Variants in SLC25A21 observed in about 807,000 individuals in gnomAD.
SLC25A21 encodes the protein mitochondrial 2-oxodicarboxylate carrier.
SLC25A21 carries 47 observed loss-of-function variants against 43.8 expected under a neutral mutation model. The observed-to-expected ratio is 1.07, with a 90% CI of 0.85 to 1.37. The LOEUF (loss-of-function observed/expected upper bound fraction) is 1.37. Ranked by LOEUF, SLC25A21 falls within the 40% of genes most tolerant of loss-of-function variation. The pLI, the probability that SLC25A21 is intolerant of heterozygous loss-of-function variation, is 0.00. For missense variants in SLC25A21, 352 were observed against 350.2 expected (o/e 1.00, Z -0.04); for synonymous variants, 131 against 121.3 (o/e 1.08, Z -0.52).
chr14:36,942,963 T>C (rs1034170148), intron 1 of SLC25A21, among the ~76,000 whole-genome samples: 14 of 152,140 alleles, frequency 9.2e-5, no homozygotes, highest in African/African-American at 3.1e-4. Flanking sequence ...CCCCCATCTT[T>C]TGGGACTGGG....
At chr14:37,064,421 T>A (rs897790342) in intron 1 of SLC25A21, among the ~76,000 whole-genome samples, 1 of 152,050 alleles carries the variant, frequency 6.6e-6, no homozygotes, top group African/African-American at 2.4e-5. Context: ...CTTGTCTCTC[T>A]CTCTCTCTCT....
intron 1 of SLC25A21, among the ~76,000 whole-genome samples, chr14:36,994,063 T>C (rs1193274781): frequency 6.6e-6 from 1 of 152,154 alleles, no homozygotes; most frequent in Non-Finnish European, 1.5e-5. Flanking sequence ...ACCTAGATAA[T>C]GAGTTATCTA....
chr14:36,949,137 C>T (rs1456754308), intron 1 of SLC25A21, among the ~76,000 whole-genome samples: 1 of 152,166 alleles, frequency 6.6e-6, no homozygotes, highest in Non-Finnish European at 1.5e-5. Flanking sequence ...ATCAGTCCAG[C>T]TTTCTTTGAG....
At chr14:37,087,491 C>T (rs1962507365) in intron 1 of SLC25A21, among the ~76,000 whole-genome samples, 1 of 152,128 alleles carries the variant, frequency 6.6e-6, no homozygotes, top group South Asian at 2.1e-4. Flanking sequence ...TAGCACTACA[C>T]CCAAGATTAC....
rs1252623188 is a variant in SLC25A21, at chr14:36,910,565, T to A, written c.71-35561A>T. Among the ~76,000 whole-genome samples the A allele has an allele frequency of 2.0e-5, 3 of 152,112 alleles. No homozygotes were observed. In the East Asian group the frequency reaches 5.8e-4, roughly 29 times the overall value. On this transcript the variant is annotated intron_variant, in intron 1 of 9. Coordinates refer to ENST00000331299, the MANE Select transcript of SLC25A21 (RefSeq NM_030631.4). Reference sequence around the variant, plus strand: ...GGTGCTGGGGACAGAGAGAAAGGAATTAATCAGAAATATATTTAGAAGTTG... The same window carrying A: ...GGTGCTGGGGACAGAGAGAAAGGAAATAATCAGAAATATATTTAGAAGTTG...
chr14:37,046,448 C>T lies in SLC25A21; in HGVS notation c.70+125833G>A, dbSNP rs369638533. On this transcript the variant is annotated intron_variant, in intron 1 of 9. Transcript: ENST00000331299. The stretch of plus-strand genomic sequence containing the variant: ...GGGAAAGGATTAAGTAGCTTCAAAA[C>T]GGCATTTTTAACTGAATTGGCCTAT... 1.2e-4 allele frequency among the ~76,000 whole-genome samples: 19 copies of T among 152,100 alleles called. No individual in the cohort carries two copies. The East Asian group carries it at 1.5e-3, about 12-fold the overall frequency.
chr14:37,049,926 A>G lies in SLC25A21; in HGVS notation c.70+122355T>C, dbSNP rs571357324. Among the ~76,000 whole-genome samples the G allele has an allele frequency of 3.3e-5, 5 of 152,356 alleles. No individual in the cohort carries two copies. In the South Asian group the frequency reaches 1.0e-3, roughly 32 times the overall value. ...AACAAGTCCAGTGGTCAATAGCCAC[A>G]TATAGCTAATGGCTACTATATTGGA... On this transcript the variant is annotated intron_variant, in intron 1 of 9. Transcript: ENST00000331299.
intron 6 of SLC25A21, among the ~76,000 whole-genome samples, chr14:36,720,429 A>T (rs910646715): frequency 6.6e-6 from 1 of 152,246 alleles, no homozygotes; most frequent in Non-Finnish European, 1.5e-5. Context: ...GACAGGTTGA[A>T]CAGCAGACAT....
At chr14:36,951,667 A>G (rs1309259651) in intron 1 of SLC25A21, among the ~76,000 whole-genome samples, 1 of 152,178 alleles carries the variant, frequency 6.6e-6, no homozygotes, top group Non-Finnish European at 1.5e-5. Context: ...AAGCAATTCA[A>G]TAACTATTAA....
chr14:37,027,707 G>A (rs933098231), intron 1 of SLC25A21, among the ~76,000 whole-genome samples: 1 of 152,164 alleles, frequency 6.6e-6, no homozygotes, highest in African/African-American at 2.4e-5. Flanking sequence ...CTGACTAAAA[G>A]AGTAAATCAA....
chr14:36,926,976 C>T (rs1892149153), intron 1 of SLC25A21, among the ~76,000 whole-genome samples: 1 of 152,052 alleles, frequency 6.6e-6, no homozygotes, highest in Non-Finnish European at 1.5e-5. Flanking sequence ...TTGAGACTAG[C>T]CTGGGCAACA....
chr14:36,764,577 C>CAAAAA (rs1278797457), intron 3 of SLC25A21, among the ~76,000 whole-genome samples: 3 of 98,688 alleles, frequency 3.0e-5, no homozygotes, highest in Non-Finnish European at 4.5e-5. Flanking sequence ...CAAAACAAAA[C>CAAAAA]AAAAAACAAA....
chr14:37,078,302 T>C (rs541181734), intron 1 of SLC25A21, among the ~76,000 whole-genome samples: 38 of 152,190 alleles, frequency 2.5e-4, no homozygotes, highest in African/African-American at 9.1e-4. Context: ...TTCCTTCACT[T>C]CCCTAGTTGA....
chr14:36,922,092 T>C (rs576819569), intron 1 of SLC25A21, among the ~76,000 whole-genome samples: 33 of 151,164 alleles, frequency 2.2e-4, no homozygotes, highest in African/African-American at 2.4e-5. Context: ...TGAGCCAAGA[T>C]TGCATCACTG....
intron 1 of SLC25A21, among the ~76,000 whole-genome samples, chr14:37,000,783 T>C (rs1320083777): frequency 3.3e-5 from 5 of 152,074 alleles, no homozygotes; most frequent in Non-Finnish European, 7.4e-5. Context: ...TTTAAAAGTG[T>C]GTGGCACTTC....
chr14:36,938,101 T>G (rs1384764794), intron 1 of SLC25A21, among the ~76,000 whole-genome samples: 1 of 152,160 alleles, frequency 6.6e-6, no homozygotes, highest in Non-Finnish European at 1.5e-5. Flanking sequence ...GGTCTGCATG[T>G]TAACCCTTGA....
intron 1 of SLC25A21, among the ~76,000 whole-genome samples, chr14:37,161,335 G>C (rs1963936817): frequency 6.6e-6 from 1 of 152,110 alleles, no homozygotes; most frequent in Non-Finnish European, 1.5e-5. Flanking sequence ...GGTAAACATG[G>C]ATATGCCAAT....
chr14:36,992,435 A>AAT (rs1960284917), intron 1 of SLC25A21, among the ~76,000 whole-genome samples: 1 of 151,848 alleles, frequency 6.6e-6, no homozygotes, highest in South Asian at 2.1e-4. Flanking sequence ...TAATAAAAAA[A>AAT]TTTTTTTTAA....
chr14:36,988,698 G>C (rs777090025), intron 1 of SLC25A21, among the ~76,000 whole-genome samples: 22 of 152,174 alleles, frequency 1.4e-4, no homozygotes, highest in Non-Finnish European at 2.9e-4. Context: ...CTGTGAGATG[G>C]AGCCCGGGTA....
Sources: gnomAD v4.1 joint callset for allele counts (sites outside exome capture counted in the v4.1 genomes callset) on GRCh38, gnomAD v4.1.1 for gene constraint, MANE v1.5 for transcripts, NCBI Gene and HGNC (gene_info 2026-07-23, HGNC 2026-07-21) for gene names.